RGS7: variants seen among roughly 807,000 people sequenced by gnomAD.
RGS7 encodes the protein regulator of G-protein signaling 7.
A neutral mutation model predicts 81.1 loss-of-function variants in RGS7; 27 were observed. That is an observed-to-expected ratio of 0.33 (90% CI 0.25 to 0.46). RGS7 has a LOEUF of 0.46. RGS7 is among the 20% of genes least tolerant of loss of function. The pLI, the probability that RGS7 is intolerant of heterozygous loss-of-function variation, is 1.00. For synonymous variants in RGS7, 208 were observed against 207.7 expected, an observed-to-expected ratio of 1.00 and a Z score of -0.01; for missense variants, 396 against 607.4, an observed-to-expected ratio of 0.65 and a Z score of 3.66.
At chr1:241,110,616 G>A (rs2102948324) in intron 2 of RGS7, among the ~76,000 whole-genome samples, 1 of 146,582 alleles carries the variant, frequency 6.8e-6, no homozygotes, top group Middle Eastern at 3.4e-3. Context: ...GGCTGAGTTT[G>A]CCATTTTATT....
chr1:240,923,423 G>A (rs1673908930), intron 6 of RGS7, among the ~76,000 whole-genome samples: 2 of 151,996 alleles, frequency 1.3e-5, no homozygotes. Context: ...GTGGTACTGA[G>A]GCATTTTGTT....
intron 2 of RGS7, among the ~76,000 whole-genome samples, chr1:241,209,257 G>T (rs912320748): frequency 1.3e-5 from 2 of 152,080 alleles, no homozygotes; most frequent in African/African-American, 4.8e-5. Context: ...GTGTGATAAC[G>T]CTCAGCCTAG....
chr1:240,815,665 A>T (rs1267649708), intron 11 of RGS7, among the ~76,000 whole-genome samples: 1 of 152,212 alleles, frequency 6.6e-6, no homozygotes, highest in Non-Finnish European at 1.5e-5. Flanking sequence ...ACTATATTAT[A>T]ATAAAATATC....
intron 3 of RGS7, among the ~76,000 whole-genome samples, chr1:241,060,877 A>T (rs565745988): frequency 1.3e-5 from 2 of 152,214 alleles, no homozygotes; most frequent in African/African-American, 2.4e-5. Flanking sequence ...ACACCTTGTA[A>T]CTGACCCAGA....
At chr1:241,020,176 T>G (rs543232822) in intron 3 of RGS7, among the ~76,000 whole-genome samples, 1 of 152,338 alleles carries the variant, frequency 6.6e-6, no homozygotes, top group East Asian at 1.9e-4. Context: ...AAACATCTAC[T>G]GCAAAGTCTG....
At chr1:241,281,114 A>G (rs1558269183) in intron 2 of RGS7, among the ~76,000 whole-genome samples, 1 of 152,226 alleles carries the variant, frequency 6.6e-6, no homozygotes. Flanking sequence ...ATACTAGTCT[A>G]CTTTAACACT....
chr1:241,133,291 C>G (rs1207232347), intron 2 of RGS7, among the ~76,000 whole-genome samples: 1 of 149,932 alleles, frequency 6.7e-6, no homozygotes, highest in African/African-American at 2.5e-5. Flanking sequence ...ATTTGATAAA[C>G]CACAGAGAAA....
chr1:241,236,555 G>T (rs2075987608), intron 2 of RGS7, among the ~76,000 whole-genome samples: 1 of 152,114 alleles, frequency 6.6e-6, no homozygotes, highest in African/African-American at 2.4e-5. Context: ...GGACAGGAAA[G>T]ACCTTCTGTC....
intron 3 of RGS7, among the ~76,000 whole-genome samples, chr1:241,088,876 T>C (rs1421686565): frequency 3.3e-5 from 5 of 150,880 alleles, no homozygotes; most frequent in Non-Finnish European, 7.4e-5. Flanking sequence ...CCGGGCGTGG[T>C]GGCAGGTGCC....
chr1:241,292,150 C>T (rs972713894), intron 2 of RGS7, among the ~76,000 whole-genome samples: 1 of 152,094 alleles, frequency 6.6e-6, no homozygotes, highest in Non-Finnish European at 1.5e-5. Context: ...GACAACAATA[C>T]CTTCTTCTGG....
intron 2 of RGS7, among the ~76,000 whole-genome samples, chr1:241,143,607 CACA>C (rs919552781): frequency 2.6e-5 from 4 of 152,172 alleles, no homozygotes; most frequent in South Asian, 4.1e-4. Context: ...AGGTCCCTCT[CACA>C]ACATGTGGGA....
intron 6 of RGS7, chr1:240,920,638 G>A: frequency 3.6e-6 from 4 of 1,113,946 alleles, no homozygotes; most frequent in Non-Finnish European, 5.3e-6. Flanking sequence ...TAGCGGAAGA[G>A]GAGAGCCAGA....
At chr1:241,158,312 T>C (rs1168100514) in intron 2 of RGS7, among the ~76,000 whole-genome samples, 1 of 152,164 alleles carries the variant, frequency 6.6e-6, no homozygotes, top group Admixed American at 6.5e-5. Flanking sequence ...TACAACACAA[T>C]ATCACACATT....
At chr1:241,003,133 A>G (rs758516241) in intron 3 of RGS7, among the ~76,000 whole-genome samples, 18 of 152,186 alleles carry the variant, frequency 1.2e-4, no homozygotes, top group Non-Finnish European at 2.5e-4. Flanking sequence ...ACACAAAGAT[A>G]CTTATTTTAT....
In RGS7 at chr1:241,258,793, C is replaced by T. The variant is rs576836697; in HGVS notation, c.78+96906G>A. Among the ~76,000 whole-genome samples the T allele has an allele frequency of 2.6e-5, 4 of 152,228 alleles. No homozygotes were observed. The South Asian group carries it at 8.3e-4, about 32-fold the overall frequency. The stretch of plus-strand genomic sequence containing the variant: ...GAAAAACTATTCAGATGGTCTTCTA[C>T]GGGAGGCAAAATACAAGGAAACTTT... On this transcript the variant is annotated intron_variant, in intron 2 of 18. Coordinates refer to ENST00000440928, the MANE Select transcript of RGS7 (RefSeq NM_001364886.1).
chr1:241,128,777 CAAAAAAA>C (rs71172680), intron 2 of RGS7, among the ~76,000 whole-genome samples: 4 of 77,942 alleles, frequency 5.1e-5, no homozygotes, highest in African/African-American at 8.7e-5. Flanking sequence ...GAATAATAGG[CAAAAAAA>C]AAAAAAAAAA....
chr1:240,932,512 A>C (rs368344701), intron 5 of RGS7, among the ~76,000 whole-genome samples: 4 of 16,086 alleles, frequency 2.5e-4, no homozygotes, highest in East Asian at 3.6e-3. Flanking sequence ...GTAGGGTGTC[A>C]CTTTTTTTTT....
chr1:241,190,870 T>C (rs1163536998), intron 2 of RGS7, among the ~76,000 whole-genome samples: 1 of 152,206 alleles, frequency 6.6e-6, no homozygotes, highest in African/African-American at 2.4e-5. Flanking sequence ...TGGAACCTGT[T>C]TCTAATTGAA....
intron 2 of RGS7, among the ~76,000 whole-genome samples, chr1:241,341,046 C>T (rs1210815175): frequency 6.6e-6 from 1 of 152,184 alleles, no homozygotes; most frequent in Non-Finnish European, 1.5e-5. Flanking sequence ...GTTTGGAGGA[C>T]ATCAAGCCCT....
Sources: allele counts gnomAD v4.1 joint callset (sites outside exome capture counted in the v4.1 genomes callset), GRCh38; gene constraint gnomAD v4.1.1; transcripts MANE v1.5; gene names NCBI Gene and HGNC (gene_info 2026-07-23, HGNC 2026-07-21).